The following OR9Q1 variants were observed in gnomAD, a reference collection of about 807,000 sequenced individuals.
OR9Q1 encodes the protein olfactory receptor 9Q1.
For missense variants in OR9Q1, 374 were observed against 378.8 expected (o/e 0.99, Z 0.11); for synonymous variants, 153 against 148.6 (o/e 1.03, Z -0.22).
intron 2 of OR9Q1, among the ~76,000 whole-genome samples, chr11:58,166,405 A>T (rs1371691630): frequency 6.6e-6 from 1 of 152,194 alleles, no homozygotes; most frequent in Non-Finnish European, 1.5e-5. Flanking sequence ...TTTGTATTTC[A>T]ACAAAAATTG....
chr11:58,036,703 A>G (rs1853103816), intron 1 of OR9Q1, among the ~76,000 whole-genome samples: 1 of 152,198 alleles, frequency 6.6e-6, no homozygotes, highest in Non-Finnish European at 1.5e-5. Context: ...TGGAGGAAGT[A>G]ATGGCAGATG....
chr11:58,147,864 G>T (rs1411275358), intron 2 of OR9Q1, among the ~76,000 whole-genome samples: 1 of 152,050 alleles, frequency 6.6e-6, no homozygotes, highest in African/African-American at 2.4e-5. Flanking sequence ...AAATAAAAAA[G>T]TCTCATTCTT....
intron 2 of OR9Q1, among the ~76,000 whole-genome samples, chr11:58,136,432 C>T (rs934420356): frequency 6.6e-6 from 1 of 152,268 alleles, no homozygotes; most frequent in Non-Finnish European, 1.5e-5. Flanking sequence ...ATTTTCCCAG[C>T]AACTCAGTTG....
At chr11:58,081,306 G>A (rs1349418521) in intron 2 of OR9Q1, among the ~76,000 whole-genome samples, 3 of 152,074 alleles carry the variant, frequency 2.0e-5, no homozygotes, top group African/African-American at 7.2e-5. Flanking sequence ...ATAGTAGCAT[G>A]ATTTATCATC....
chr11:58,179,877 G>A lies in OR9Q1; in HGVS notation c.433G>A (p.Val145Met), dbSNP rs146689802. 25 of 1,614,060 alleles carry A rather than the reference G, an allele frequency of 1.5e-5. No individual in the cohort carries two copies. Among genetic ancestry groups the A allele is most frequent in the Non-Finnish European group, 1.9e-5 (22 of 1,180,046 alleles). The change falls in exon 3 of 3, where the codon GTG (valine) becomes ATG (methionine). Residue 145 changes from valine to methionine, a missense_variant. Transcript: ENST00000335397. ...GACACAGCAGGCCCGCTTGAGTCTTGTGGCTGGGGCTTACGTTGCTGGTCT... is the reference window on the plus strand; with the variant it reads ...GACACAGCAGGCCCGCTTGAGTCTTATGGCTGGGGCTTACGTTGCTGGTCT... ...ILTQQARLSL[V>M]AGAYVAGLIS...
intron 2 of OR9Q1, among the ~76,000 whole-genome samples, chr11:58,110,401 C>T (rs1853887956): frequency 6.6e-6 from 1 of 152,158 alleles, no homozygotes. Context: ...TATGTCATCA[C>T]CTGCCTTGAG....
intron 2 of OR9Q1, among the ~76,000 whole-genome samples, chr11:58,131,372 T>G (rs1854139599): frequency 6.6e-6 from 1 of 152,172 alleles, no homozygotes; most frequent in Non-Finnish European, 1.5e-5. Flanking sequence ...ATACATTTTT[T>G]GGGATATAAA....
chr11:58,053,896 T>A (rs778957745), intron 1 of OR9Q1, among the ~76,000 whole-genome samples: 1 of 151,874 alleles, frequency 6.6e-6, no homozygotes, highest in Non-Finnish European at 1.5e-5. Context: ...GTTCTGGGGA[T>A]CTAATATCCA....
At chr11:58,147,319 CT>C (rs1215920262) in intron 2 of OR9Q1, among the ~76,000 whole-genome samples, 6 of 152,126 alleles carry the variant, frequency 3.9e-5, no homozygotes, top group African/African-American at 1.4e-4. Context: ...CTATCTGTCC[CT>C]TCATCAAAAT....
intron 2 of OR9Q1, among the ~76,000 whole-genome samples, chr11:58,070,070 C>T (rs2959639): frequency 4.0e-5 from 6 of 151,752 alleles, no homozygotes; most frequent in Admixed American, 6.6e-5. Context: ...GGTGCCATCT[C>T]GGCTCACTGC....
intron 2 of OR9Q1, among the ~76,000 whole-genome samples, chr11:58,098,591 G>C (rs1380982620): frequency 6.6e-6 from 1 of 152,088 alleles, no homozygotes; most frequent in East Asian, 1.9e-4. Flanking sequence ...CCGAAATCAC[G>C]TCACTGCACT....
At chr11:58,152,389 A>G (rs927706910) in intron 2 of OR9Q1, among the ~76,000 whole-genome samples, 2 of 152,224 alleles carry the variant, frequency 1.3e-5, no homozygotes, top group Non-Finnish European at 2.9e-5. Flanking sequence ...GTGAATGAAA[A>G]TGCTGGATAC....
At chr11:58,119,126 A>C (rs750914333) in intron 2 of OR9Q1, 2 of 1,614,032 alleles carry the variant, frequency 1.2e-6, no homozygotes, top group African/African-American at 1.3e-5. Context: ...GTGCCTGCAC[A>C]GATGGTGAAT....
At chr11:58,034,792 C>CTCTTCCTT (rs1554964484) in intron 1 of OR9Q1, among the ~76,000 whole-genome samples, 2 of 96,050 alleles carry the variant, frequency 2.1e-5, no homozygotes, top group African/African-American at 7.3e-5. Flanking sequence ...CCTCCTTTCT[C>CTCTTCCTT]CCTTCCTTCC....
At chr11:58,128,267 AAAAG>A (rs1017152464) in intron 2 of OR9Q1, among the ~76,000 whole-genome samples, 1 of 151,258 alleles carries the variant, frequency 6.6e-6, no homozygotes, top group South Asian at 2.1e-4. Context: ...AAAAAAAAAA[AAAAG>A]AACAGTAGGA....
At chr11:58,070,733 C>T (rs944493005) in intron 2 of OR9Q1, among the ~76,000 whole-genome samples, 8 of 152,196 alleles carry the variant, frequency 5.3e-5, no homozygotes, top group African/African-American at 1.9e-4. Flanking sequence ...AGTGTCTTCA[C>T]TATCAAGCTC....
rs778531348 is a variant in OR9Q1 at position 58,031,737 on chromosome 11, T to C, written c.-93+7633T>C. The C allele has an allele frequency of 9.3e-6, 15 of 1,614,026 alleles. No homozygotes were observed. Among genetic ancestry groups the C allele is most frequent in the African/African-American group, 1.3e-5 (1 of 74,936 alleles). ...CTCTTCTATGGCACTCTTTTCTTTA[T>C]GTATGTCCAGACCAAGGTGACCTCC... On this transcript the variant is annotated intron_variant, in intron 1 of 2. Coordinates refer to ENST00000335397, the MANE Select transcript of OR9Q1 (RefSeq NM_001005212.4).
intron 2 of OR9Q1, among the ~76,000 whole-genome samples, chr11:58,114,718 T>C (rs568855405): frequency 3.3e-5 from 5 of 152,198 alleles, no homozygotes; most frequent in Non-Finnish European, 5.9e-5. Context: ...ATCTATTAGA[T>C]TGGTGCAAAA....
At chr11:58,092,389 A>T (rs1377570820) in intron 2 of OR9Q1, among the ~76,000 whole-genome samples, 1 of 150,982 alleles carries the variant, frequency 6.6e-6, no homozygotes. Context: ...TTGATGTGCA[A>T]TTTTTTTGCT....
Sources: gnomAD v4.1 joint callset for allele counts (sites outside exome capture counted in the v4.1 genomes callset) on GRCh38, gnomAD v4.1.1 for gene constraint, MANE v1.5 for transcripts, NCBI Gene and HGNC (gene_info 2026-07-23, HGNC 2026-07-21) for gene names.